The following CFAP47 variants were observed in gnomAD, a reference collection of about 807,000 sequenced individuals.
The protein encoded by CFAP47 is cilia- and flagella-associated protein 47.
Under a neutral mutation model 148.1 loss-of-function variants are expected in CFAP47, and 29 were observed. The ratio of observed to expected loss-of-function variants is 0.20; its 90% CI spans 0.15 to 0.27. CFAP47 has a LOEUF of 0.27. Among genes scored for constraint, CFAP47 ranks in the 10% least tolerant of loss-of-function variants. The probability of loss-of-function intolerance (pLI) is 1.00; values close to 1 mark genes in which losing one functional copy is unlikely to be tolerated. For missense variants in CFAP47, 1,872 were observed against 1,697.5 expected, an observed-to-expected ratio of 1.10 and a Z score of -1.81; for synonymous variants, 664 against 577.3, an observed-to-expected ratio of 1.15 and a Z score of -2.15.
At chrX:36,060,267 G>T (rs1357909195) in intron 26 of CFAP47, among the ~76,000 whole-genome samples, 1 of 111,347 alleles carries the variant, frequency 9.0e-6, no homozygotes, top group Non-Finnish European at 1.9e-5. Context: ...TTTTAGAAGT[G>T]ATAAATTTTA....
In CFAP47 at chrX:36,179,206, T is replaced by C. The variant is rs1471402326; in HGVS notation, c.6027-139T>C. The C allele has an allele frequency of 1.5e-5, 4 of 268,834 alleles. No homozygotes were observed. The East Asian group carries it at 2.1e-4, about 14-fold the overall frequency. 22.2% of individuals were successfully genotyped at this position (268,834 alleles called of 1,213,427 possible). A position where few individuals can be genotyped will look rare whatever the true frequency, so the allele number is the denominator to read the frequency against. Reference sequence around the variant, plus strand: ...TTTTGAGTTGCAGAATGAAAGCACATGGATTTTTTTAAACTGTAGTTTATT... The same window carrying C: ...TTTTGAGTTGCAGAATGAAAGCACACGGATTTTTTTAAACTGTAGTTTATT... On this transcript the variant is annotated intron_variant, in intron 39 of 63. Coordinates refer to ENST00000378653, the MANE Select transcript of CFAP47 (RefSeq NM_001304548.2).
intron 33 of CFAP47, among the ~76,000 whole-genome samples, chrX:36,125,276 T>A (rs2146817384): frequency 9.0e-6 from 1 of 111,692 alleles, no homozygotes; most frequent in African/African-American, 3.2e-5. Flanking sequence ...ATTAGAGATG[T>A]AGTAGTGAAC....
At chrX:36,144,651 C>T (rs775422700) in intron 35 of CFAP47, 7 of 1,026,095 alleles carry the variant, frequency 6.8e-6, no homozygotes, top group African/African-American at 1.9e-5. Context: ...TGTTACCATC[C>T]GATTGGCTGT....
rs190186249 is a variant in CFAP47, at chrX:36,197,150, G to T, written c.6322-3229G>T. Reference sequence around the variant, plus strand: ...CATGTTAGTCAAAATAATTTTTTGAGATATGGTAATATACTGTGTGTGTAA... The same window carrying T: ...CATGTTAGTCAAAATAATTTTTTGATATATGGTAATATACTGTGTGTGTAA... On this transcript the variant is annotated intron_variant, in intron 42 of 63. Transcript: ENST00000378653. 5.1e-3 allele frequency among the ~76,000 whole-genome samples: 568 copies of T among 111,976 alleles called. 1 individual carries two copies. The highest frequency in any genetic ancestry group is 0.017 in the African/African-American group (537 of 30,969).
intron 57 of CFAP47, among the ~76,000 whole-genome samples, chrX:36,322,771 C>T (rs1196413521): frequency 9.0e-6 from 1 of 111,147 alleles, no homozygotes; most frequent in Non-Finnish European, 1.9e-5. Flanking sequence ...ACAATGCACA[C>T]TGGCCTATGT....
chrX:35,928,831 TAA>T (rs1221999577), intron 2 of CFAP47, among the ~76,000 whole-genome samples: 5 of 111,587 alleles, frequency 4.5e-5, no homozygotes, highest in Non-Finnish European at 9.4e-5. Context: ...AATTTTTGTA[TAA>T]AGTGTGATTT....
chrX:36,321,516 C>T (rs1411175369), intron 57 of CFAP47, among the ~76,000 whole-genome samples: 1 of 111,491 alleles, frequency 9.0e-6, no homozygotes, highest in Non-Finnish European at 1.9e-5. Context: ...TTAAAAATAA[C>T]TGAAAGGGTA....
At chrX:36,291,489 A>G (rs6632556) in intron 51 of CFAP47, among the ~76,000 whole-genome samples, 13,066 of 110,876 alleles carry the variant, frequency 0.12, 625 homozygotes, top group East Asian at 0.26. Flanking sequence ...TTCACAAAAC[A>G]TTCCAAAATA....
intron 8 of CFAP47, 49 bp from the exon 9 acceptor site, chrX:35,966,515 CT>C (rs751838350): frequency 7.5e-5 from 64 of 853,350 alleles, no homozygotes; most frequent in Non-Finnish European, 9.4e-5. Flanking sequence ...TTGCTGTTAA[CT>C]TTTTTTCTAC....
At chrX:36,380,720 G>A (rs1258779955) in intron 63 of CFAP47, among the ~76,000 whole-genome samples, 2 of 112,729 alleles carry the variant, frequency 1.8e-5, no homozygotes, top group Non-Finnish European at 3.8e-5. Context: ...TGGGATTACA[G>A]GCGTGAGCCA....
intron 5 of CFAP47, 42 bp from the exon 6 acceptor site, chrX:35,951,761 G>A: frequency 1.9e-6 from 2 of 1,041,770 alleles, no homozygotes; most frequent in South Asian, 7.1e-5. Flanking sequence ...ATTTTTTTGT[G>A]TTTTGCCTTA....
chrX:36,041,836 G>A (rs1937408224), intron 25 of CFAP47, among the ~76,000 whole-genome samples: 2 of 103,728 alleles, frequency 1.9e-5, no homozygotes, highest in African/African-American at 7.1e-5. Context: ...TGAGGCCGGA[G>A]AATCTCTTGA....
rs59688530 is a variant in CFAP47 at position 36,171,073 on chromosome X, T to C, written c.6027-8272T>C. On this transcript the variant is annotated intron_variant, in intron 39 of 63. Transcript: ENST00000378653. ...TGATGGTGAGCATTTTTTCATGTGTTTTTTGGCTGCATAAATGTCTTCTTT... is the reference window on the plus strand; with the variant it reads ...TGATGGTGAGCATTTTTTCATGTGTCTTTTGGCTGCATAAATGTCTTCTTT... Among the ~76,000 whole-genome samples, 687 of 111,160 alleles carry C rather than the reference T, an allele frequency of 6.2e-3. 11 individuals are homozygous for C. Among genetic ancestry groups the C allele is most frequent in the African/African-American group, 0.022 (655 of 30,329 alleles).
intron 39 of CFAP47, among the ~76,000 whole-genome samples, chrX:36,177,949 G>T (rs1029942700): frequency 1.8e-5 from 2 of 111,649 alleles, no homozygotes; most frequent in African/African-American, 3.3e-5. Flanking sequence ...CATCAATGGT[G>T]GATTGGATAA....
intron 33 of CFAP47, among the ~76,000 whole-genome samples, chrX:36,105,728 G>A (rs764663211): frequency 2.7e-5 from 3 of 111,812 alleles, no homozygotes; most frequent in Non-Finnish European, 3.8e-5. Flanking sequence ...TAATGCTAAG[G>A]TGAACTACAC....
chrX:36,101,796 T>C (rs779270609), intron 32 of CFAP47, among the ~76,000 whole-genome samples: 2 of 111,878 alleles, frequency 1.8e-5, no homozygotes, highest in East Asian at 5.6e-4. Flanking sequence ...CTCATTAGTC[T>C]CAAAAATACA....
At chrX:35,920,524 G>A (rs1935561660) in intron 1 of CFAP47, among the ~76,000 whole-genome samples, 1 of 111,639 alleles carries the variant, frequency 9.0e-6, no homozygotes, top group South Asian at 3.7e-4. Context: ...ATAGACATGA[G>A]GAATACGGAA....
intron 26 of CFAP47, among the ~76,000 whole-genome samples, chrX:36,059,832 T>C (rs751300719): frequency 8.9e-6 from 1 of 111,786 alleles, no homozygotes; most frequent in Admixed American, 9.5e-5. Flanking sequence ...ATGCGAATTG[T>C]TTAGGTCATG....
intron 61 of CFAP47, 96 bp downstream of exon 61, chrX:36,361,597 G>A: frequency 2.7e-6 from 1 of 371,001 alleles, no homozygotes; most frequent in Non-Finnish European, 4.4e-6. Context: ...TATTTGAATT[G>A]CAATACTTAT....
Sources: allele counts gnomAD v4.1 joint callset (sites outside exome capture counted in the v4.1 genomes callset), GRCh38; gene constraint gnomAD v4.1.1; transcripts MANE v1.5; gene names NCBI Gene and HGNC (gene_info 2026-07-23, HGNC 2026-07-21).